The following PPM1J variants were observed in gnomAD, a reference collection of about 807,000 sequenced individuals.
PPM1J encodes the protein protein phosphatase, Mg2+/Mn2+ dependent 1J.
Under a neutral mutation model 53.3 loss-of-function variants are expected in PPM1J, and 43 were observed. That is an observed-to-expected ratio of 0.81 (90% confidence interval 0.63 to 1.04). PPM1J has a LOEUF of 1.04. PPM1J is among the 50% of genes least tolerant of loss of function. The pLI, the probability that PPM1J is intolerant of heterozygous loss-of-function variation, is 0.00. For missense variants in PPM1J, 635 were observed against 685.9 expected (o/e 0.93, Z 0.83); for synonymous variants, 267 against 286.4 (o/e 0.93, Z 0.68).
At position 112,710,823 on chromosome 1, in the gene PPM1J, G is replaced by A. The variant is rs760969473; in HGVS notation, c.1139C>T (p.Thr380Ile). The change falls in exon 8 of 10, where the codon ACC becomes ATC. Residue 380 changes from threonine to isoleucine, a missense_variant. Transcript: ENST00000309276. The stretch of plus-strand genomic sequence containing the variant: ...AAGGCTGTGGTCTCCCAAGCCTCGG[G>A]TCACCCCAATGGTGGCCATCACCCG... ...KARVMATIGV[T>I]RGLGDHSLKV... 2 of 1,613,916 alleles carry A rather than the reference G, an allele frequency of 1.2e-6. No homozygotes were observed. The highest frequency in any genetic ancestry group is 1.7e-6 in the Non-Finnish European group (2 of 1,179,858).
chr1:112,710,914 C>T, intron 7 of PPM1J, 63 bp from the exon 8 acceptor site: 1 of 1,589,580 alleles, frequency 6.3e-7, no homozygotes. Context: ...AACCAAAGAT[C>T]CCTTCCACCC....
At chr1:112,714,177 C>G in intron 1 of PPM1J, 1 of 992,634 alleles carries the variant, frequency 1.0e-6, no homozygotes, top group South Asian at 4.5e-5. Context: ...CTGGACTGGG[C>G]AGGAGCCACA....
chr1:112,710,375 C>T (rs1013725236), intron 9 of PPM1J, 65 bp from the exon 10 acceptor site: 70 of 1,611,288 alleles, frequency 4.3e-5, no homozygotes, highest in South Asian at 3.3e-5. Context: ...TACACAGGCC[C>T]ACATGTGGGG....
chr1:112,712,276 C>A (rs937374981), intron 4 of PPM1J, 69 bp downstream of exon 4: 1 of 1,277,232 alleles, frequency 7.8e-7, no homozygotes, highest in African/African-American at 1.5e-5. Context: ...TGCCACCTTA[C>A]TCTCCTGTAT....
chr1:112,711,463 CT>C, intron 5 of PPM1J, 79 bp from the exon 6 acceptor site: 1 of 777,588 alleles, frequency 1.3e-6, no homozygotes, highest in Non-Finnish European at 2.2e-6. Context: ...ATGACGTTGA[CT>C]ACAGCAGACC....
At chr1:112,713,654 G>C (rs1411582555) in intron 1 of PPM1J, 43 bp from the exon 2 acceptor site, 3 of 1,479,122 alleles carry the variant, frequency 2.0e-6, no homozygotes, top group Non-Finnish European at 2.8e-6. Context: ...CACCAGACCA[G>C]GTCCTGGAAT....
At chr1:112,714,801 G>A in intron 1 of PPM1J, 175 bp downstream of exon 1, 1 of 1,273,174 alleles carries the variant, frequency 7.9e-7, no homozygotes, top group South Asian at 2.7e-5. Flanking sequence ...GCCCCCCACT[G>A]GAAAATGGGT....
chr1:112,711,965 A>G lies in PPM1J; in HGVS notation c.927+6T>C. On this transcript the variant is annotated splice_donor_region_variant and intron_variant, in intron 5 of 9. Coordinates refer to ENST00000309276, the MANE Select transcript of PPM1J (RefSeq NM_005167.7). ...AATGGGGGTAGGGAATTTGGTTCCT[A>G]CTTACAAGCAGCTGAAGACGCTGGC... The G allele has an allele frequency of 6.3e-7, 1 of 1,596,998 alleles. No homozygotes were observed. The highest frequency in any genetic ancestry group is 8.6e-7 in the Non-Finnish European group (1 of 1,168,050).
intron 2 of PPM1J, 117 bp downstream of exon 2, chr1:112,713,380 G>A (rs1328206419): frequency 1.5e-5 from 11 of 721,308 alleles, no homozygotes; most frequent in Non-Finnish European, 2.5e-5. Context: ...TTCTGTGCCA[G>A]AAGGTAGATA....
In PPM1J at chr1:112,710,232, G is replaced by A. The variant is rs772344524; in HGVS notation, c.1449C>T (p.Asn483=). The A allele has an allele frequency of 6.5e-7, 1 of 1,543,694 alleles. No homozygotes were observed. Among genetic ancestry groups the A allele is most frequent in the Non-Finnish European group, 8.8e-7 (1 of 1,136,172 alleles). The stretch of plus-strand genomic sequence containing the variant: ...AGATGTCATCCCCGGAACCCAGCTT[G>A]TTGTTGGGGAGACGCCAGCCACGGT... The part of the protein sequence containing the change: ...PRDRGWRLPN[N]KLGSGDDISV... The change falls in exon 10 of 10, where the codon AAC becomes AAT. Residue 483 remains asparagine, a synonymous_variant. Coordinates refer to ENST00000309276, the MANE Select transcript of PPM1J (RefSeq NM_005167.7).
rs1230162322 is a variant in PPM1J, at chr1:112,713,581, A to G, written c.357T>C (p.Asn119=). The change falls in exon 2 of 10, where the codon AAT becomes AAC. Residue 119 remains asparagine (N), a synonymous_variant. Transcript: ENST00000309276. ...CCACTTCACAGCAAGCCTGGTCCTCATTGTGCCGACTCTTGCCAGCATTGA... is the reference window on the plus strand; with the variant it reads ...CCACTTCACAGCAAGCCTGGTCCTCGTTGTGCCGACTCTTGCCAGCATTGA... ...EVINAGKSRH[N]EDQACCEVVY... The G allele has an allele frequency of 2.5e-6, 4 of 1,614,140 alleles. No homozygotes were observed. The South Asian group carries it at 3.3e-5, about 13-fold the overall frequency.
intron 4 of PPM1J, 29 bp downstream of exon 4, chr1:112,712,315 GT>G: frequency 1.3e-6 from 2 of 1,520,358 alleles, no homozygotes; most frequent in South Asian, 2.4e-5. Flanking sequence ...GTGGCCCTCT[GT>G]CGCCACCTTG....
At chr1:112,711,942 T>A in intron 5 of PPM1J, 29 bp downstream of exon 5, 1 of 1,530,200 alleles carries the variant, frequency 6.5e-7, no homozygotes, top group Non-Finnish European at 9.0e-7. Context: ...CGACAAAGAA[T>A]GGGGGTAGGG....
intron 1 of PPM1J, 25 bp from the exon 2 acceptor site, chr1:112,713,636 A>T: frequency 6.4e-7 from 1 of 1,570,420 alleles, no homozygotes; most frequent in Non-Finnish European, 8.8e-7. Flanking sequence ...TGACCACATC[A>T]GGTTGGACAC....
chr1:112,714,692 C>T (rs1415644401), intron 1 of PPM1J: 47 of 1,218,346 alleles, frequency 3.9e-5, no homozygotes, highest in Non-Finnish European at 4.4e-5. Flanking sequence ...CTTCGCCGGG[C>T]TCTCCGCCCT....
intron 5 of PPM1J, among the ~76,000 whole-genome samples, chr1:112,711,690 C>T (rs1207743311): frequency 6.6e-6 from 1 of 152,196 alleles, no homozygotes; most frequent in Non-Finnish European, 1.5e-5. Flanking sequence ...CTAAGCCGGA[C>T]TGCCTTTCAG....
At chr1:112,714,467 C>A (rs550147430) in intron 1 of PPM1J, 3 of 986,236 alleles carry the variant, frequency 3.0e-6, no homozygotes, top group Non-Finnish European at 3.6e-6. Context: ...GGGAAGCTGG[C>A]GGCCTCCTGG....
intron 1 of PPM1J, chr1:112,714,305 G>A: frequency 1.0e-6 from 1 of 985,594 alleles, no homozygotes; most frequent in Non-Finnish European, 1.2e-6. Flanking sequence ...CTGCGTTCCC[G>A]GCAGATGCAT....
chr1:112,712,521 C>T (rs1317928190), intron 3 of PPM1J, 64 bp from the exon 4 acceptor site: 2 of 1,407,288 alleles, frequency 1.4e-6, no homozygotes, highest in Admixed American at 1.8e-5. Flanking sequence ...GTCACCCTCC[C>T]CCTACCCCCT....
Sources: gnomAD v4.1 joint callset for allele counts (sites outside exome capture counted in the v4.1 genomes callset) on GRCh38, gnomAD v4.1.1 for gene constraint, MANE v1.5 for transcripts, NCBI Gene and HGNC (gene_info 2026-07-23, HGNC 2026-07-21) for gene names.